The following CDH12 variants were observed in gnomAD, a reference collection of about 807,000 sequenced individuals.
CDH12 encodes cadherin-12.
In CDH12, 41 loss-of-function variants were observed where a neutral mutation model predicts 74.1. The observed-to-expected ratio is 0.55, with a 90% CI of 0.43 to 0.72. The LOEUF (loss-of-function observed/expected upper bound fraction) is 0.72. Among genes scored for constraint, CDH12 ranks in the 30% least tolerant of loss-of-function variants. CDH12 has a pLI of 0.00. For synonymous variants in CDH12, 399 were observed against 355.0 expected (o/e 1.12, Z -1.39); for missense variants, 945 against 977.2 (o/e 0.97, Z 0.44).
chr5:22,645,370 A>C (rs567830600), intron 1 of CDH12, among the ~76,000 whole-genome samples: 6 of 152,228 alleles, frequency 3.9e-5, no homozygotes, highest in Admixed American at 2.6e-4. Context: ...TGTGGTAGAA[A>C]CTGCAAGAAA....
chr5:22,234,348 G>A (rs1165078142), intron 3 of CDH12, among the ~76,000 whole-genome samples: 1 of 152,054 alleles, frequency 6.6e-6, no homozygotes, highest in Non-Finnish European at 1.5e-5. Context: ...TGAATCATGG[G>A]GGCCAGTCTT....
intron 1 of CDH12, among the ~76,000 whole-genome samples, chr5:22,680,007 C>T (rs1229053900): frequency 5.3e-5 from 8 of 152,074 alleles, no homozygotes; most frequent in Non-Finnish European, 1.0e-4. Context: ...AAGCAAGCTC[C>T]TTGAGGAACA....
At chr5:22,699,805 G>A (rs1179535603) in intron 1 of CDH12, among the ~76,000 whole-genome samples, 1 of 152,112 alleles carries the variant, frequency 6.6e-6, no homozygotes, top group Non-Finnish European at 1.5e-5. Context: ...ATTGCCTAAT[G>A]AGCTAAAATT....
intron 3 of CDH12, among the ~76,000 whole-genome samples, chr5:22,236,360 T>C (rs1752558585): frequency 6.6e-6 from 1 of 152,240 alleles, no homozygotes; most frequent in South Asian, 2.1e-4. Flanking sequence ...CAAGAATATT[T>C]TATGTCCTTA....
chr5:21,845,047 G>T lies in CDH12; in HGVS notation c.647-2719C>A, dbSNP rs928454035. On this transcript the variant is annotated intron_variant, in intron 7 of 14. Coordinates refer to ENST00000382254, the MANE Select transcript of CDH12 (RefSeq NM_004061.5). ...GATAGATAGATAGATTAGATTAGAT[G>T]AGATTGATATGCTTTTTACATTCAT... Among the ~76,000 whole-genome samples, 28 of 133,152 alleles carry T rather than the reference G, an allele frequency of 2.1e-4. No homozygotes were observed. The East Asian group carries it at 4.0e-3, about 19-fold the overall frequency. The allele number at this position is 133,152 out of a possible 152,430, so 87.4% of individuals were successfully genotyped here.
At chr5:22,092,292 C>A (rs1246712624) in intron 4 of CDH12, among the ~76,000 whole-genome samples, 1 of 152,012 alleles carries the variant, frequency 6.6e-6, no homozygotes, top group Non-Finnish European at 1.5e-5. Flanking sequence ...TTAGCAATTT[C>A]TTGCTTCAAA....
intron 2 of CDH12, among the ~76,000 whole-genome samples, chr5:22,488,336 A>G (rs926977225): frequency 1.7e-4 from 26 of 152,326 alleles, no homozygotes; most frequent in Non-Finnish European, 2.5e-4. Flanking sequence ...GTGGGTGTCA[A>G]TTTACCTTGC....
intron 1 of CDH12, among the ~76,000 whole-genome samples, chr5:22,699,450 A>C (rs1742593370): frequency 6.6e-6 from 1 of 151,362 alleles, no homozygotes; most frequent in African/African-American, 2.5e-5. Flanking sequence ...TTTGATACAC[A>C]AAAGCTCTAA....
intron 1 of CDH12, among the ~76,000 whole-genome samples, chr5:22,510,013 T>C (rs1360183731): frequency 6.6e-6 from 1 of 150,378 alleles, no homozygotes; most frequent in Non-Finnish European, 1.5e-5. Flanking sequence ...AAGGAAAAAA[T>C]TTAAAAAAAA....
At chr5:22,497,356 A>C (rs913887439) in intron 2 of CDH12, among the ~76,000 whole-genome samples, 19 of 152,104 alleles carry the variant, frequency 1.2e-4, no homozygotes, top group African/African-American at 3.4e-4. Context: ...CCATGAATTC[A>C]CCTTGGATCT....
chr5:22,689,141 A>C (rs980020030), intron 1 of CDH12, among the ~76,000 whole-genome samples: 1 of 152,166 alleles, frequency 6.6e-6, no homozygotes. Flanking sequence ...TATGAAGAAT[A>C]CCTATCTTCT....
intron 2 of CDH12, among the ~76,000 whole-genome samples, chr5:22,491,616 A>AC (rs1554044828): frequency 3.6e-5 from 1 of 27,710 alleles, no homozygotes; most frequent in Admixed American, 7.4e-4. Flanking sequence ...TGAGCAAAAA[A>AC]AAAAACAAAA....
At chr5:22,514,439 T>C (rs1215101604) in intron 1 of CDH12, among the ~76,000 whole-genome samples, 1 of 152,062 alleles carries the variant, frequency 6.6e-6, no homozygotes, top group Non-Finnish European at 1.5e-5. Flanking sequence ...ATTTAGCATC[T>C]ATGAAGCTGG....
chr5:22,758,116 G>C (rs115867193), intron 1 of CDH12, among the ~76,000 whole-genome samples: 2 of 152,106 alleles, frequency 1.3e-5, no homozygotes, highest in Admixed American at 1.3e-4. Context: ...TAGTGCAGGC[G>C]GCCGATACCC....
chr5:22,485,173 GCTTTT>G (rs972605654), intron 2 of CDH12, among the ~76,000 whole-genome samples: 13 of 85,856 alleles, frequency 1.5e-4, no homozygotes, highest in African/African-American at 5.6e-4. Flanking sequence ...TACTGCACAA[GCTTTT>G]CTTTTCTTTT....
chr5:22,655,973 GT>G (rs1156538889), intron 1 of CDH12, among the ~76,000 whole-genome samples: 2 of 152,156 alleles, frequency 1.3e-5, no homozygotes, highest in Non-Finnish European at 2.9e-5. Context: ...TGTTGCTGTG[GT>G]GGAAGAGAAG....
intron 5 of CDH12, among the ~76,000 whole-genome samples, chr5:21,998,797 C>T (rs1736440481): frequency 6.6e-6 from 1 of 152,122 alleles, no homozygotes; most frequent in Admixed American, 6.6e-5. Flanking sequence ...TTCTACCCTT[C>T]ATTGCATGAT....
intron 2 of CDH12, among the ~76,000 whole-genome samples, chr5:22,410,668 G>T (rs932953867): frequency 6.6e-6 from 1 of 151,988 alleles, no homozygotes; most frequent in Non-Finnish European, 1.5e-5. Flanking sequence ...TCTGCCTTTT[G>T]CAAGTTGATT....
intron 3 of CDH12, among the ~76,000 whole-genome samples, chr5:22,282,508 T>C (rs1736933383): frequency 6.6e-6 from 1 of 152,164 alleles, no homozygotes. Flanking sequence ...GACAAAGGGC[T>C]AATATCCAGA....
Sources: allele counts gnomAD v4.1 joint callset (sites outside exome capture counted in the v4.1 genomes callset), GRCh38; gene constraint gnomAD v4.1.1; transcripts MANE v1.5; gene names NCBI Gene and HGNC (gene_info 2026-07-23, HGNC 2026-07-21).